Variants in MRM3 observed in about 807,000 individuals in gnomAD.
The protein encoded by MRM3 is mitochondrial rRNA methyltransferase 3, also known as rRNA methyltransferase 3, mitochondrial.
MRM3 carries 26 observed loss-of-function variants against 29.4 expected under a neutral mutation model. That is an observed-to-expected ratio of 0.89 (90% CI 0.65 to 1.23). MRM3 has a LOEUF of 1.23. Ranked by LOEUF, MRM3 falls within the 50% of genes most tolerant of loss-of-function variation. The pLI is 0.00. For synonymous variants in MRM3, 225 were observed against 219.0 expected, an observed-to-expected ratio of 1.03 and a Z score of -0.24; for missense variants, 578 against 540.2, an observed-to-expected ratio of 1.07 and a Z score of -0.69.
rs1180000831 is a variant in MRM3, at chr17:791,882, C to T, written c.1076C>T (p.Thr359Ile). The T allele has an allele frequency of 3.7e-6, 6 of 1,613,764 alleles. No individual in the cohort carries two copies. Among genetic ancestry groups the T allele is most frequent in the East Asian group, 2.2e-5 (1 of 44,892 alleles). ...APAAVVIGGE[T>I]YGVSLESLQL... ...GCAGCTGTGGTGATTGGCGGGGAGA[C>T]CTACGGCGTGAGCCTGGAGTCCCTG... is the stretch of plus-strand genomic sequence containing the variant. Residue 359 changes from threonine to isoleucine, a missense_variant, in exon 4 of 4, where the codon ACC (threonine) becomes ATC (isoleucine). Coordinates refer to ENST00000304478, the MANE Select transcript of MRM3 (RefSeq NM_018146.4).
In MRM3 at chr17:791,870, T is replaced by C. The variant is rs1277518510; in HGVS notation, c.1064T>C (p.Ile355Thr). 1 of 1,613,992 alleles carries C rather than the reference T, an allele frequency of 6.2e-7. No homozygotes were observed. The highest frequency in any genetic ancestry group is 1.7e-5 in the Admixed American group (1 of 60,020). The part of the protein sequence containing the change: ...DWTEAPAAVV[I>T]GGETYGVSLE... ...ACAGAGGCGCCGGCAGCTGTGGTGA[T>C]TGGCGGGGAGACCTACGGCGTGAGC... The change falls in exon 4 of 4, where the codon ATT becomes ACT. Residue 355 changes from isoleucine (I) to threonine (T), a missense_variant. Coordinates refer to ENST00000304478, the MANE Select transcript of MRM3 (RefSeq NM_018146.4).
chr17:782,569 A>G lies in MRM3; in HGVS notation c.191A>G (p.Glu64Gly), dbSNP rs56128993. The change falls in exon 1 of 4, where the codon GAG becomes GGG. Residue 64 changes from glutamate to glycine, a missense_variant. Glu to Gly is a moderately conservative substitution (Grantham distance 98). Transcript: ENST00000304478. Reference protein sequence around the residue: ...PGKQPRKAPSEASAQEQREKQ... With the variant: ...PGKQPRKAPSGASAQEQREKQ... ...AAGCAGCCCCGCAAGGCACCATCTGAGGCCAGTGCCCAGGAGCAACGAGAG... is the reference window on the plus strand; with the variant it reads ...AAGCAGCCCCGCAAGGCACCATCTGGGGCCAGTGCCCAGGAGCAACGAGAG... 1 of 1,614,106 alleles carries G rather than the reference A, an allele frequency of 6.2e-7. No homozygotes were observed. Among genetic ancestry groups the G allele is most frequent in the Non-Finnish European group, 8.5e-7 (1 of 1,179,996 alleles).
chr17:791,237 CTG>C (rs1175241306), intron 3 of MRM3, among the ~76,000 whole-genome samples: 2 of 152,168 alleles, frequency 1.3e-5, no homozygotes, highest in African/African-American at 4.8e-5. Context: ...CCCCACTACA[CTG>C]TGCGTTCCTT....
rs1910852394 is a variant in MRM3, at chr17:791,998, C to T, written c.1192C>T (p.Leu398=). 4 of 1,613,926 alleles carry T rather than the reference C, an allele frequency of 2.5e-6. No homozygotes were observed. The highest frequency in any genetic ancestry group is 3.4e-6 in the Non-Finnish European group (4 of 1,180,014). The part of the protein sequence containing the change: ...SLNSAMAASI[L]LFEGKRQLRG... Reference sequence around the variant, plus strand: ...CAACTCGGCCATGGCGGCAAGCATCCTGCTTTTCGAAGGGAAAAGACAGCT... The same window carrying T: ...CAACTCGGCCATGGCGGCAAGCATCTTGCTTTTCGAAGGGAAAAGACAGCT... The change falls in exon 4 of 4, where the codon CTG becomes TTG. Residue 398 remains leucine (L), a synonymous_variant. Coordinates refer to ENST00000304478, the MANE Select transcript of MRM3 (RefSeq NM_018146.4).
intron 3 of MRM3, chr17:789,807 A>T (rs894096626): frequency 3.9e-5 from 6 of 152,214 alleles, no homozygotes; most frequent in Admixed American, 1.3e-4. Context: ...ATTGATACTG[A>T]TGGCTGGGGT....
chr17:791,003 C>T (rs960926432), intron 3 of MRM3, among the ~76,000 whole-genome samples: 1 of 151,746 alleles, frequency 6.6e-6, no homozygotes, highest in African/African-American at 2.4e-5. Flanking sequence ...TGTGCCGCCA[C>T]AGCGCCACCG....
chr17:782,551 C>G lies in MRM3; in HGVS notation c.173C>G (p.Pro58Arg). 1.2e-6 allele frequency: 2 copies of G among 1,613,932 alleles called. No individual in the cohort carries two copies. Among genetic ancestry groups the G allele is most frequent in the Non-Finnish European group, 1.7e-6 (2 of 1,179,846 alleles). The change falls in exon 1 of 4, where the codon CCC (proline) becomes CGC (arginine). Residue 58 changes from proline to arginine, a missense_variant. By Grantham distance (103) the Pro-to-Arg change is moderately radical (BLOSUM62 -2). Coordinates refer to ENST00000304478, the MANE Select transcript of MRM3 (RefSeq NM_018146.4). ...VEQKRAPGKQ[P>R]RKAPSEASAQ... ...CAGAAGCGCGCTCCTGGGAAGCAGC[C>G]CCGCAAGGCACCATCTGAGGCCAGT...
chr17:782,636 C>G lies in MRM3; in HGVS notation c.258C>G (p.Thr86=). 1 of 1,613,714 alleles carries G rather than the reference C, an allele frequency of 6.2e-7. No homozygotes were observed. The highest frequency in any genetic ancestry group is 1.1e-5 in the South Asian group (1 of 91,072). ...AGTCCGCATCCCGCGCTCCCAGCAC[C>G]TGGGAAGAGTCTGGGCTTCGCTACG... ...LEESASRAPS[T]WEESGLRYDK... is the part of the protein sequence containing the mutation. The change falls in exon 1 of 4, where the codon ACC becomes ACG. Residue 86 remains threonine, a synonymous_variant. Coordinates refer to ENST00000304478, the MANE Select transcript of MRM3 (RefSeq NM_018146.4).
chr17:791,853 G>C lies in MRM3; in HGVS notation c.1047G>C (p.Ala349=). 1 of 1,614,098 alleles carries C rather than the reference G, an allele frequency of 6.2e-7. No individual in the cohort carries two copies. The highest frequency in any genetic ancestry group is 8.5e-7 in the Non-Finnish European group (1 of 1,180,034). ...VQSYDSDWTE[A]PAAVVIGGET... ...GTTACGACTCGGACTGGACAGAGGC[G>C]CCGGCAGCTGTGGTGATTGGCGGGG... The change falls in exon 4 of 4, where the codon GCG becomes GCC. Residue 349 remains alanine (A), a synonymous_variant. Transcript: ENST00000304478.
At chr17:788,270 A>C in intron 3 of MRM3, 138 bp downstream of exon 3, 1 of 806,232 alleles carries the variant, frequency 1.2e-6, no homozygotes, top group Non-Finnish European at 1.9e-6. Flanking sequence ...TCTACAAAAA[A>C]AACTACAATT....
chr17:788,133 G>A lies in MRM3; in HGVS notation c.727+1G>A. The A allele has an allele frequency of 6.2e-7, 1 of 1,614,016 alleles. No individual in the cohort carries two copies. Among genetic ancestry groups the A allele is most frequent in the Non-Finnish European group, 8.5e-7 (1 of 1,179,964 alleles). ...TGCAGCAAAGTGTTACTCACCAAAG[G>A]TAAGGACATCAAAGGCCAGGCATAG... On this transcript the variant is annotated splice_donor_variant, in intron 3 of 3. Transcript: ENST00000304478. LOFTEE classifies it high-confidence loss of function.
chr17:783,858 C>T lies in MRM3; in HGVS notation c.559+531C>T, dbSNP rs144031654. Among the ~76,000 whole-genome samples the T allele has an allele frequency of 1.4e-4, 21 of 152,194 alleles. No homozygotes were observed. In the East Asian group the frequency reaches 4.0e-3, roughly 29 times the overall value. On this transcript the variant is annotated intron_variant, in intron 2 of 3. Transcript: ENST00000304478. ...TAGGAAGAACCACTATTCCTCAAAC[C>T]TTCTATTTTTTAGATTACTTCTTCA...
Position 782,618 on chromosome 17 carries a change from A to C in MRM3, c.240A>C (p.Ala80=), listed in dbSNP as rs151160206. The change falls in exon 1 of 4, where the codon GCA becomes GCC. Residue 80 remains alanine, a synonymous_variant. Coordinates refer to ENST00000304478, the MANE Select transcript of MRM3 (RefSeq NM_018146.4). ...AGAAACAACCGCTCGAGGAGTCCGC[A>C]TCCCGCGCTCCCAGCACCTGGGAAG... ...QREKQPLEES[A]SRAPSTWEES... is the part of the protein sequence containing the mutation. The C allele has an allele frequency of 4.3e-5, 70 of 1,613,844 alleles. No homozygotes were observed. In the African/African-American group the frequency reaches 8.8e-4, roughly 20 times the overall value.
chr17:784,250 G>A (rs948372580), intron 2 of MRM3, among the ~76,000 whole-genome samples: 1 of 152,184 alleles, frequency 6.6e-6, no homozygotes, highest in African/African-American at 2.4e-5. Flanking sequence ...AGATTCTGGG[G>A]AACCATCTCT....
intron 3 of MRM3, among the ~76,000 whole-genome samples, chr17:788,434 C>CA (rs1231085496): frequency 4.5e-4 from 20 of 44,744 alleles, no homozygotes; most frequent in African/African-American, 2.0e-3. Flanking sequence ...GACTCCCTCT[C>CA]AAAAAAATAA....
At chr17:783,465 T>A in intron 2 of MRM3, 138 bp downstream of exon 2, 1 of 805,390 alleles carries the variant, frequency 1.2e-6, no homozygotes, top group Non-Finnish European at 1.8e-6. Flanking sequence ...GCCTCCGCAG[T>A]AGCTGGGATT....
Position 792,107 on chromosome 17 carries a change from C to T in MRM3, c.*38C>T, listed in dbSNP as rs1473434775. ...GACTTCTGCTTGAGGACGTCTGCAG[C>T]TCCTCCTACACCAGCACACTGGTGG... is the stretch of plus-strand genomic sequence containing the variant. On this transcript the variant is annotated 3_prime_UTR_variant, in exon 4 of 4. Transcript: ENST00000304478. 6 of 1,548,420 alleles carry T rather than the reference C, an allele frequency of 3.9e-6. No homozygotes were observed. The highest frequency in any genetic ancestry group is 3.5e-4 in the Middle Eastern group (2 of 5,718).
chr17:788,811 C>T (rs754289362), intron 3 of MRM3, among the ~76,000 whole-genome samples: 7 of 152,136 alleles, frequency 4.6e-5, no homozygotes, highest in Non-Finnish European at 1.0e-4. Context: ...ATGGGTCTGC[C>T]TTCACTAGCT....
rs1910830718 is a variant in MRM3, at chr17:791,716, G to C, written c.910G>C (p.Asp304His). 6 of 1,614,082 alleles carry C rather than the reference G, an allele frequency of 3.7e-6. No individual in the cohort carries two copies. Among genetic ancestry groups the C allele is most frequent in the Non-Finnish European group, 5.1e-6 (6 of 1,180,050 alleles). Residue 304 changes from aspartate to histidine, a missense_variant, in exon 4 of 4, where the codon GAC (aspartate) becomes CAC (histidine). Coordinates refer to ENST00000304478, the MANE Select transcript of MRM3 (RefSeq NM_018146.4). ...GGCTGAGATGTCTAATAAAGCTAGTGACCATGGCTGGGTGTGTGATCAACG... is the reference window on the plus strand; with the variant it reads ...GGCTGAGATGTCTAATAAAGCTAGTCACCATGGCTGGGTGTGTGATCAACG... ...AQAEMSNKASDHGWVCDQRVM... is the reference protein window; with the variant it reads ...AQAEMSNKASHHGWVCDQRVM...
Sources: allele counts gnomAD v4.1 joint callset (sites outside exome capture counted in the v4.1 genomes callset), GRCh38; gene constraint gnomAD v4.1.1; transcripts MANE v1.5; gene names NCBI Gene and HGNC (gene_info 2026-07-23, HGNC 2026-07-21).